Variants in CLSTN1 observed in about 807,000 individuals in gnomAD.
CLSTN1 encodes the protein calsyntenin-1.
In CLSTN1, 28 loss-of-function variants were observed where a neutral mutation model predicts 108.3. The ratio of observed to expected loss-of-function variants is 0.26; its 90% confidence interval spans 0.19 to 0.35. The LOEUF (loss-of-function observed/expected upper bound fraction) is 0.35. Among genes scored for constraint, CLSTN1 ranks in the 10% least tolerant of loss-of-function variants. CLSTN1 has a pLI of 1.00. For synonymous variants in CLSTN1, 524 were observed against 534.9 expected, an observed-to-expected ratio of 0.98 and a Z score of 0.28; for missense variants, 1,157 against 1,302.6, an observed-to-expected ratio of 0.89 and a Z score of 1.72.
chr1:9,807,036 C>T (rs1364289640), intron 1 of CLSTN1, among the ~76,000 whole-genome samples: 1 of 151,790 alleles, frequency 6.6e-6, no homozygotes, highest in African/African-American at 2.4e-5. Context: ...AGCAGCATTG[C>T]CTAAAGTGTG....
chr1:9,753,517 G>A (rs2101113719), intron 4 of CLSTN1, among the ~76,000 whole-genome samples: 1 of 151,052 alleles, frequency 6.6e-6, no homozygotes, highest in South Asian at 2.1e-4. Flanking sequence ...TTGAGACGGA[G>A]TTTCATTCTT....
rs1226778722 is a variant in CLSTN1 at position 9,734,592 on chromosome 1, G to A, written c.2110+356C>T. ...TCCATCTCAAAAAAAAAAAAAAAGG[G>A]GGGGAGTTTCATGTGTCCTGAGCAA... On this transcript the variant is annotated intron_variant, in intron 14 of 18. Transcript: ENST00000377298. The surrounding 1 kb of genome is among the most constrained non-coding windows in gnomAD (Gnocchi z 4.8). Among the ~76,000 whole-genome samples, 1 of 151,388 alleles carries A rather than the reference G, an allele frequency of 6.6e-6. No individual in the cohort carries two copies. The highest frequency in any genetic ancestry group is 2.1e-4 in the South Asian group (1 of 4,786).
At chr1:9,776,982 C>G (rs1279372164) in intron 1 of CLSTN1, among the ~76,000 whole-genome samples, 3 of 152,026 alleles carry the variant, frequency 2.0e-5, no homozygotes, top group Admixed American at 2.0e-4. Context: ...TGTTGGGAGG[C>G]TGGCCACACA....
chr1:9,730,494 G>A lies in CLSTN1; in HGVS notation c.*14C>T. 1 of 1,599,738 alleles carries A rather than the reference G, an allele frequency of 6.3e-7. No individual in the cohort carries two copies. Among genetic ancestry groups the A allele is most frequent in the Non-Finnish European group, 8.5e-7 (1 of 1,178,778 alleles). ...GTCTTCGAAAGCAGAAACCGAGGTG[G>A]CCGGGGGCACGGGTCAGTAGCTGAG... On this transcript the variant is annotated 3_prime_UTR_variant, in exon 19 of 19. Transcript: ENST00000377298. The surrounding 1 kb of genome is among the most constrained non-coding windows in gnomAD (Gnocchi z 5.6).
intron 1 of CLSTN1, among the ~76,000 whole-genome samples, chr1:9,791,206 C>G (rs914334046): frequency 2.7e-5 from 4 of 149,654 alleles, no homozygotes; most frequent in African/African-American, 9.8e-5. Flanking sequence ...AATATAGCAA[C>G]CCTAAAGCTG....
rs898386004 is a variant in CLSTN1 at position 9,731,000 on chromosome 1, G to C, written c.2748+206C>G. The C allele has an allele frequency of 5.7e-5, 37 of 650,828 alleles. No homozygotes were observed. The South Asian group carries it at 6.8e-4, about 12-fold the overall frequency. 40.3% of individuals were successfully genotyped at this position (650,828 alleles called of 1,614,324 possible). On this transcript the variant is annotated intron_variant, in intron 18 of 18. Transcript: ENST00000377298. The surrounding 1 kb of genome is among the most constrained non-coding windows in gnomAD (Gnocchi z 5.6). ...CCCAAGAGCGCCAAGCCCTGGCATG[G>C]CTCTTCTCTACACTTAAGGCAGAAC...
At chr1:9,760,696 T>G (rs1006136884) in intron 2 of CLSTN1, among the ~76,000 whole-genome samples, 1 of 147,474 alleles carries the variant, frequency 6.8e-6, no homozygotes. Context: ...TTTTTTTTTT[T>G]TTTTTTTTTT....
At chr1:9,818,230 G>C (rs1310578585) in intron 1 of CLSTN1, among the ~76,000 whole-genome samples, 1 of 150,672 alleles carries the variant, frequency 6.6e-6, no homozygotes, top group African/African-American at 2.4e-5. Context: ...GGCTGGTCTC[G>C]AACTCCTGGA....
Position 9,749,777 on chromosome 1 carries a change from G to T in CLSTN1, c.786C>A (p.Thr262=), listed in dbSNP as rs768151490. 1 of 1,614,124 alleles carries T rather than the reference G, an allele frequency of 6.2e-7. No homozygotes were observed. Among genetic ancestry groups the T allele is most frequent in the South Asian group, 1.1e-5 (1 of 91,068 alleles). ...LVKISIKPTC[T]PGWQGWNNRI... is the part of the protein sequence containing the mutation. ...AATGAAGCTCACCTTGCCACCCAGG[G>T]GTGCAGGTGGGCTTAATGCTGATCT... Residue 262 remains threonine (T), a synonymous_variant, in exon 6 of 19, where the codon ACC becomes ACA. Transcript: ENST00000377298.
chr1:9,754,538 G>GA (rs1651720321), intron 4 of CLSTN1, among the ~76,000 whole-genome samples: 1 of 151,430 alleles, frequency 6.6e-6, no homozygotes, highest in South Asian at 2.1e-4. Context: ...CAGCTTGGGT[G>GA]AAACAGCGAA....
intron 10 of CLSTN1, among the ~76,000 whole-genome samples, 159 bp downstream of exon 10, chr1:9,740,935 C>T (rs1024068620): frequency 2.0e-5 from 3 of 151,996 alleles, no homozygotes; most frequent in East Asian, 1.9e-4. Flanking sequence ...AGTGGGGTAA[C>T]GGCAGTGTCC....
chr1:9,800,831 C>T (rs1015123330), intron 1 of CLSTN1, among the ~76,000 whole-genome samples: 1 of 151,696 alleles, frequency 6.6e-6, no homozygotes, highest in Non-Finnish European at 1.5e-5. Flanking sequence ...CCCAGCTATT[C>T]AGGAGGCTGA....
intron 1 of CLSTN1, among the ~76,000 whole-genome samples, chr1:9,779,515 C>G (rs1653141643): frequency 6.6e-6 from 1 of 152,164 alleles, no homozygotes; most frequent in African/African-American, 2.4e-5. Context: ...CAAGATCGCA[C>G]CACTCCAACA....
intron 9 of CLSTN1, 127 bp downstream of exon 9, chr1:9,743,757 A>AT (rs1651099669): frequency 1.0e-6 from 1 of 979,414 alleles, no homozygotes; most frequent in Non-Finnish European, 1.5e-6. Flanking sequence ...GGATCTTAGT[A>AT]ATGTTGCCCA....
intron 1 of CLSTN1, among the ~76,000 whole-genome samples, chr1:9,789,559 C>A (rs530334061): frequency 9.9e-5 from 15 of 151,472 alleles, no homozygotes; most frequent in Admixed American, 2.0e-4. Flanking sequence ...AACACCGATA[C>A]CACTTATTTT....
At chr1:9,742,677 T>TA (rs1163682585) in intron 9 of CLSTN1, among the ~76,000 whole-genome samples, 1 of 152,050 alleles carries the variant, frequency 6.6e-6, no homozygotes, top group African/African-American at 2.4e-5. Flanking sequence ...CTCACATAAA[T>TA]AAAAAAATAC....
At chr1:9,816,573 G>T (rs1380788498) in intron 1 of CLSTN1, among the ~76,000 whole-genome samples, 1 of 57,200 alleles carries the variant, frequency 1.7e-5, no homozygotes, top group Non-Finnish European at 8.4e-5. Flanking sequence ...GCAGAAAAAG[G>T]TGGGTTTTTT....
At chr1:9,809,090 G>C (rs569106166) in intron 1 of CLSTN1, among the ~76,000 whole-genome samples, 1 of 152,206 alleles carries the variant, frequency 6.6e-6, no homozygotes, top group African/African-American at 2.4e-5. Context: ...AACCCAAGCT[G>C]AGGGGAAACA....
intron 1 of CLSTN1, among the ~76,000 whole-genome samples, chr1:9,797,597 T>C (rs902104801): frequency 6.6e-6 from 1 of 152,092 alleles, no homozygotes; most frequent in East Asian, 1.9e-4. Flanking sequence ...GCTATGATTA[T>C]GCTACTGCAC....
Sources: gnomAD v4.1 joint callset for allele counts (sites outside exome capture counted in the v4.1 genomes callset) on GRCh38, gnomAD v4.1.1 for gene constraint, Gnocchi (gnomAD v3.1) non-coding constraint, MANE v1.5 for transcripts, NCBI Gene and HGNC (gene_info 2026-07-23, HGNC 2026-07-21) for gene names.